Variants in CACHD1 observed in about 807,000 individuals in gnomAD.
CACHD1 encodes cache domain containing 1.
In CACHD1, 71 loss-of-function variants were observed where a neutral mutation model predicts 138.7. That is an observed-to-expected ratio of 0.51 (90% CI 0.42 to 0.62). The LOEUF (loss-of-function observed/expected upper bound fraction) is 0.62, where lower values mean the gene tolerates loss of function less well. Among genes scored for constraint, CACHD1 ranks in the 20% least tolerant of loss-of-function variants. The probability of loss-of-function intolerance (pLI) is 0.00; values close to 1 mark genes in which losing one functional copy is unlikely to be tolerated. For synonymous variants in CACHD1, 578 were observed against 591.5 expected (o/e 0.98, Z 0.33); for missense variants, 1,389 against 1,625.3 (o/e 0.85, Z 2.50).
chr1:64,532,315 T>C (rs2100405484), intron 1 of CACHD1, among the ~76,000 whole-genome samples: 1 of 152,278 alleles, frequency 6.6e-6, no homozygotes, highest in South Asian at 2.1e-4. Context: ...TTCTAGGCAC[T>C]GAGGACACTG....
rs373305561 is a variant in CACHD1, at chr1:64,601,606, A to G, written c.411-1200A>G. Among the ~76,000 whole-genome samples, 18 of 152,342 alleles carry G rather than the reference A, an allele frequency of 1.2e-4. 3 individuals carry two copies. The highest frequency in any genetic ancestry group is 4.6e-4 in the Admixed American group (7 of 15,312). ...TAGCTTTTGCTGTTGAAACCAACAT[A>G]CCATGTGAAAACCTAGTCCCCTTGC... On this transcript the variant is annotated intron_variant, in intron 3 of 26. Coordinates refer to ENST00000651257, the MANE Select transcript of CACHD1 (RefSeq NM_020925.4).
intron 1 of CACHD1, among the ~76,000 whole-genome samples, chr1:64,515,957 T>G (rs979159893): frequency 1.8e-4 from 27 of 152,192 alleles, no homozygotes; most frequent in African/African-American, 6.5e-4. Context: ...ATACTTTCAT[T>G]TTTTGGAATT....
At chr1:64,630,482 G>A (rs1217800718) in intron 5 of CACHD1, among the ~76,000 whole-genome samples, 1 of 152,040 alleles carries the variant, frequency 6.6e-6, no homozygotes, top group African/African-American at 2.4e-5. Flanking sequence ...TGTATTTTTA[G>A]TAGAGACGAA....
chr1:64,655,791 G>A (rs1649242530), intron 12 of CACHD1, among the ~76,000 whole-genome samples: 2 of 152,138 alleles, frequency 1.3e-5, no homozygotes. Flanking sequence ...GACCAAAAGG[G>A]GAGTAGAGTT....
At chr1:64,584,862 A>T (rs1647039210) in intron 3 of CACHD1, among the ~76,000 whole-genome samples, 1 of 152,214 alleles carries the variant, frequency 6.6e-6, no homozygotes, top group Non-Finnish European at 1.5e-5. Flanking sequence ...AATATTGAGC[A>T]TAATTAATAG....
At chr1:64,635,522 T>C (rs1648495138) in intron 7 of CACHD1, among the ~76,000 whole-genome samples, 1 of 151,470 alleles carries the variant, frequency 6.6e-6, no homozygotes, top group Non-Finnish European at 1.5e-5. Flanking sequence ...TAGCTGGGAT[T>C]ACAGGCATGT....
chr1:64,478,608 A>G (rs1646190309), intron 1 of CACHD1, among the ~76,000 whole-genome samples: 1 of 152,148 alleles, frequency 6.6e-6, no homozygotes, highest in Non-Finnish European at 1.5e-5. Flanking sequence ...GCCTCCCCCT[A>G]AGACCCCAGA....
At chr1:64,680,978 G>A (rs1650154217) in intron 24 of CACHD1, among the ~76,000 whole-genome samples, 1 of 152,124 alleles carries the variant, frequency 6.6e-6, no homozygotes, top group South Asian at 2.1e-4. Context: ...CAGTACTTTA[G>A]TAGAGGATTA....
At chr1:64,495,507 C>T (rs1478060810) in intron 1 of CACHD1, among the ~76,000 whole-genome samples, 2 of 152,138 alleles carry the variant, frequency 1.3e-5, no homozygotes, top group African/African-American at 4.8e-5. Flanking sequence ...CCCTTATCTT[C>T]CAAGTGTGAA....
chr1:64,681,541 G>GTTTTTTTTTTTTTTTTTTATTTTTT (rs1650183184), intron 25 of CACHD1, among the ~76,000 whole-genome samples: 1 of 68,132 alleles, frequency 1.5e-5, no homozygotes, highest in Non-Finnish European at 2.7e-5. Context: ...ATTTTATTGT[G>GTTTTTTTTTTTTTTTTTTATTTTTT]TTTTTTTTTT....
At chr1:64,588,014 A>G (rs1373519497) in intron 3 of CACHD1, among the ~76,000 whole-genome samples, 3 of 151,936 alleles carry the variant, frequency 2.0e-5, no homozygotes, top group African/African-American at 7.2e-5. Context: ...CCACACTGCT[A>G]CTTGGTAACA....
At chr1:64,674,554 C>A (rs973749400) in intron 19 of CACHD1, among the ~76,000 whole-genome samples, 17 of 152,172 alleles carry the variant, frequency 1.1e-4, no homozygotes, top group Non-Finnish European at 1.5e-5. Flanking sequence ...GGACTCCAAG[C>A]CTATGTTACT....
At chr1:64,568,101 A>G (rs1383171826) in intron 2 of CACHD1, among the ~76,000 whole-genome samples, 1 of 152,202 alleles carries the variant, frequency 6.6e-6, no homozygotes, top group Non-Finnish European at 1.5e-5. Context: ...TTATTAACAT[A>G]ACCTTAAGAC....
Position 64,673,477 on chromosome 1 carries a change from G to A in CACHD1, c.2727+13G>A, listed in dbSNP as rs757909983. ...CACCAGCCTTGCGGTAAGTTGATCT[G>A]ATTCCTTAACACTCTCATTTTTCCA... On this transcript the variant is annotated intron_variant, in intron 19 of 26. Transcript: ENST00000651257. 6.4e-7 allele frequency: 1 copy of A among 1,574,120 alleles called. No homozygotes were observed. The highest frequency in any genetic ancestry group is 8.7e-7 in the Non-Finnish European group (1 of 1,143,516).
chr1:64,640,027 T>C (rs995618982), intron 7 of CACHD1, among the ~76,000 whole-genome samples: 7 of 152,234 alleles, frequency 4.6e-5, no homozygotes, highest in Non-Finnish European at 1.0e-4. Flanking sequence ...TGCCTCTCCA[T>C]AGGACTGCTT....
At chr1:64,600,311 C>T (rs1158562913) in intron 3 of CACHD1, among the ~76,000 whole-genome samples, 1 of 152,204 alleles carries the variant, frequency 6.6e-6, no homozygotes, top group Non-Finnish European at 1.5e-5. Context: ...TTGGAGGGTA[C>T]TTCTCATTCC....
At chr1:64,642,258 C>G (rs1229176528) in intron 8 of CACHD1, among the ~76,000 whole-genome samples, 3 of 151,924 alleles carry the variant, frequency 2.0e-5, no homozygotes, top group Non-Finnish European at 4.4e-5. Flanking sequence ...TTTTTCAGTT[C>G]TCCTTCATAT....
At position 64,629,497 on chromosome 1, in the gene CACHD1, T is replaced by G. The variant is rs751576281; in HGVS notation, c.644+16T>G. ...ACCGCAGTAGGTATGTTGACTTGCA[T>G]GCTAAAGTTTTTAATTATTGCTTAA... On this transcript the variant is annotated intron_variant, in intron 5 of 26. Transcript: ENST00000651257. 2.0e-5 allele frequency: 32 copies of G among 1,610,306 alleles called. No individual in the cohort carries two copies. The highest frequency in any genetic ancestry group is 2.5e-5 in the Non-Finnish European group (30 of 1,178,642).
At chr1:64,640,692 GACACAC>G (rs35423621) in intron 7 of CACHD1, among the ~76,000 whole-genome samples, 4,504 of 143,688 alleles carry the variant, frequency 0.031, 119 homozygotes, top group Admixed American at 0.083. Context: ...TATATATACA[GACACAC>G]ACACACACAC....
Sources: gnomAD v4.1 joint callset for allele counts (sites outside exome capture counted in the v4.1 genomes callset) on GRCh38, gnomAD v4.1.1 for gene constraint, MANE v1.5 for transcripts, NCBI Gene and HGNC (gene_info 2026-07-23, HGNC 2026-07-21) for gene names.